The following ERCC6 variants were observed in gnomAD, a reference collection of about 807,000 sequenced individuals.
ERCC6 encodes DNA excision repair protein ERCC-6.
A neutral mutation model predicts 158.7 loss-of-function variants in ERCC6; 116 were observed. The observed-to-expected ratio is 0.73, with a 90% CI of 0.63 to 0.85. The LOEUF is 0.85. Ranked by LOEUF, ERCC6 falls within the 40% of genes least tolerant of loss-of-function variation. The pLI is 0.00. For missense variants in ERCC6, 1,698 were observed against 1,799.4 expected, an observed-to-expected ratio of 0.94 and a Z score of 1.02; for synonymous variants, 678 against 659.3, an observed-to-expected ratio of 1.03 and a Z score of -0.43.
intron 2 of ERCC6, among the ~76,000 whole-genome samples, chr10:49,531,277 T>A (rs915653320): frequency 7.2e-5 from 11 of 152,200 alleles, no homozygotes; most frequent in African/African-American, 2.7e-4. Context: ...AAATCACACA[T>A]CTGCGACAAT....
chr10:49,518,612 T>G (rs1422307819), intron 5 of ERCC6, among the ~76,000 whole-genome samples: 3 of 152,118 alleles, frequency 2.0e-5, no homozygotes, highest in Admixed American at 1.3e-4. Flanking sequence ...CCCTAAAGGC[T>G]GCAACGTTCC....
chr10:49,519,488 C>G (rs1051056427), intron 5 of ERCC6, among the ~76,000 whole-genome samples: 3 of 152,090 alleles, frequency 2.0e-5, no homozygotes, highest in African/African-American at 4.8e-5. Flanking sequence ...GGCGAGGGAG[C>G]CTTCAAACCA....
rs35756610 is a variant in ERCC6, at chr10:49,470,186, T to C, written c.3774A>G (p.Lys1258=). 1.5e-3 allele frequency: 2,485 copies of C among 1,614,072 alleles called. 36 individuals are homozygous for C. In the African/African-American group the frequency reaches 0.029, roughly 19 times the overall value. ...DDYVLEKLFK[K]SVGVHSVMKH... ...CAAACGTATCAAATGGATTACCTGA[T>C]TTTTTGAAAAGCTTTTCCAAAACAT... is the stretch of plus-strand genomic sequence containing the variant. Residue 1258 remains lysine (K), a synonymous_variant, in exon 18 of 21, where the codon AAA becomes AAG. Coordinates refer to ENST00000355832, the MANE Select transcript of ERCC6 (RefSeq NM_000124.4).
At chr10:49,534,508 A>T (rs899298624) in intron 1 of ERCC6, among the ~76,000 whole-genome samples, 1 of 152,232 alleles carries the variant, frequency 6.6e-6, no homozygotes, top group Non-Finnish European at 1.5e-5. Flanking sequence ...CATGGTATGA[A>T]CACACTTATG....
chr10:49,478,700 C>T (rs965393897), intron 10 of ERCC6, among the ~76,000 whole-genome samples: 1 of 152,120 alleles, frequency 6.6e-6, no homozygotes. Context: ...ATCTCATTAA[C>T]CAAAATGTAC....
At chr10:49,497,152 C>A (rs1251591801) in intron 7 of ERCC6, among the ~76,000 whole-genome samples, 1 of 152,208 alleles carries the variant, frequency 6.6e-6, no homozygotes, top group Non-Finnish European at 1.5e-5. Context: ...TGCTCCTCAC[C>A]AAGGCAGGGC....
chr10:49,435,125 C>T, the ERCC6 span, among the ~76,000 whole-genome samples: 5 of 152,108 alleles, frequency 3.3e-5, no homozygotes, highest in Admixed American at 3.3e-4. Context: ...CAATTTCTAT[C>T]ATATATGACA....
At chr10:49,452,512 C>T (rs1850431479), downstream of ERCC6, among the ~76,000 whole-genome samples, 2 of 152,028 alleles carry the variant, frequency 1.3e-5, no homozygotes, top group Admixed American at 1.3e-4. Flanking sequence ...TAAGGCCTAT[C>T]CTGAAGAATG....
upstream of ERCC6, chr10:49,539,299 G>A (rs531234367): frequency 2.0e-5 from 3 of 152,430 alleles, no homozygotes; most frequent in Non-Finnish European, 4.4e-5. Flanking sequence ...TACCCTGCTG[G>A]CAAGGCAGTT....
intron 5 of ERCC6, chr10:49,515,471 A>G: frequency 6.2e-7 from 1 of 1,614,172 alleles, no homozygotes; most frequent in Non-Finnish European, 8.5e-7. Flanking sequence ...TTATGCCATC[A>G]TAACGTGAGT....
chr10:49,516,172 C>T (rs1170811864), intron 5 of ERCC6: 2 of 1,614,088 alleles, frequency 1.2e-6, no homozygotes, highest in East Asian at 4.5e-5. Flanking sequence ...GGGTTTTTAC[C>T]CTGATACGGC....
chr10:49,435,681 T>C, the ERCC6 span, among the ~76,000 whole-genome samples: 3 of 152,184 alleles, frequency 2.0e-5, no homozygotes, highest in East Asian at 1.9e-4. Context: ...GGGAAAGTTA[T>C]AGCTTTAAAT....
chr10:49,467,077 C>A (rs1344077620), intron 18 of ERCC6, among the ~76,000 whole-genome samples: 1 of 152,170 alleles, frequency 6.6e-6, no homozygotes, highest in Non-Finnish European at 1.5e-5. Context: ...CAAGCCCCAC[C>A]TGTCGACTAG....
the ERCC6 span, among the ~76,000 whole-genome samples, chr10:49,446,052 G>A: frequency 6.6e-6 from 1 of 152,128 alleles, no homozygotes; most frequent in Non-Finnish European, 1.5e-5. Flanking sequence ...AAGTTCACAT[G>A]AGTTTGAAGT....
chr10:49,515,215 A>AT, intron 5 of ERCC6: 1 of 1,326,100 alleles, frequency 7.5e-7, no homozygotes, highest in South Asian at 2.5e-5. Flanking sequence ...AGAAAAAAAA[A>AT]TTTATTATGT....
At position 49,472,952 on chromosome 10, in the gene ERCC6, ACT is replaced by A; in HGVS notation, c.2784_2785del (p.Arg928SerfsTer5). 2 of 1,614,072 alleles carry A rather than the reference ACT, an allele frequency of 1.2e-6. No homozygotes were observed. The highest frequency in any genetic ancestry group is 1.3e-5 in the African/African-American group (1 of 75,004). On this transcript the variant is annotated frameshift_variant, in exon 15 of 21. Coordinates refer to ENST00000355832, the MANE Select transcript of ERCC6 (RefSeq NM_000124.4). LOFTEE classifies it high-confidence loss of function. ...GTTCCAGTCTGGGTCATAGATGACA[ACT>A]CTGTTTGCCCCCGTCAGGTTGACAC...
chr10:49,452,145 G>A (rs1044208495), downstream of ERCC6, among the ~76,000 whole-genome samples: 1 of 151,172 alleles, frequency 6.6e-6, no homozygotes, highest in African/African-American at 2.4e-5. Flanking sequence ...CCTTCTGCTT[G>A]CTTTAGGTTT....
intron 4 of ERCC6, chr10:49,525,193 G>C (rs1319568910): frequency 1.4e-5 from 3 of 209,620 alleles, no homozygotes; most frequent in Non-Finnish European, 2.9e-5. Flanking sequence ...AAATTCAAGA[G>C]ACAGTAAAAC....
chr10:49,517,226 ATAC>A, intron 5 of ERCC6: 1 of 1,436,672 alleles, frequency 7.0e-7, no homozygotes, highest in Non-Finnish European at 9.2e-7. Context: ...TGCAATAATA[ATAC>A]TTTCTGTATT....
Sources: allele counts gnomAD v4.1 joint callset (sites outside exome capture counted in the v4.1 genomes callset), GRCh38; gene constraint gnomAD v4.1.1; transcripts MANE v1.5; gene names NCBI Gene and HGNC (gene_info 2026-07-23, HGNC 2026-07-21).